MKLN1: variants seen among roughly 807,000 people sequenced by gnomAD.
MKLN1 encodes the protein muskelin 1, also known as muskelin.
In MKLN1, 18 loss-of-function variants were observed where a neutral mutation model predicts 99.0. The observed-to-expected ratio is 0.18, with a 90% CI of 0.13 to 0.27. The LOEUF (loss-of-function observed/expected upper bound fraction) is 0.27, where lower values mean the gene tolerates loss of function less well. Among genes scored for constraint, MKLN1 ranks in the 10% least tolerant of loss-of-function variants. The pLI, the probability that MKLN1 is intolerant of heterozygous loss-of-function variation, is 1.00. For synonymous variants in MKLN1, 288 were observed against 293.2 expected, an observed-to-expected ratio of 0.98 and a Z score of 0.18; for missense variants, 621 against 875.9, an observed-to-expected ratio of 0.71 and a Z score of 3.67.
chr7:131,144,421 G>A (rs1313549868), intron 2 of MKLN1, among the ~76,000 whole-genome samples: 4 of 151,260 alleles, frequency 2.6e-5, no homozygotes, highest in African/African-American at 4.9e-5. Flanking sequence ...GGCGGAACTT[G>A]CAGTGAGCCA....
chr7:131,301,576 A>G (rs955305078), intron 3 of MKLN1, among the ~76,000 whole-genome samples: 4 of 152,180 alleles, frequency 2.6e-5, no homozygotes, highest in African/African-American at 7.2e-5. Context: ...CTAATCTGAA[A>G]TCAGTCCAGG....
chr7:131,341,471 A>G (rs1454256763), intron 1 of MKLN1, among the ~76,000 whole-genome samples: 1 of 152,192 alleles, frequency 6.6e-6, no homozygotes, highest in East Asian at 1.9e-4. Flanking sequence ...GCTTCCATTT[A>G]GGATGTTGTT....
chr7:131,455,264 C>T (rs1796298575), intron 12 of MKLN1, among the ~76,000 whole-genome samples: 1 of 151,838 alleles, frequency 6.6e-6, no homozygotes, highest in Non-Finnish European at 1.5e-5. Context: ...TTTTTTATCC[C>T]CCCTCCCACA....
chr7:131,365,637 A>C (rs916079668), intron 1 of MKLN1, among the ~76,000 whole-genome samples: 1 of 152,084 alleles, frequency 6.6e-6, no homozygotes, highest in Non-Finnish European at 1.5e-5. Flanking sequence ...TGAGGAAGGG[A>C]GTCCAGCCTC....
intron 3 of MKLN1, among the ~76,000 whole-genome samples, chr7:131,316,843 G>T (rs1416563424): frequency 6.6e-6 from 1 of 152,096 alleles, no homozygotes; most frequent in Admixed American, 6.6e-5. Context: ...CAATCAAGTG[G>T]AAGAAAGGAT....
intron 2 of MKLN1, among the ~76,000 whole-genome samples, chr7:131,197,381 A>T (rs1303204494): frequency 9.4e-4 from 7 of 7,436 alleles, no homozygotes; most frequent in African/African-American, 1.3e-3. Context: ...TTAAAATTTT[A>T]TTATTATTAT....
intron 3 of MKLN1, among the ~76,000 whole-genome samples, chr7:131,287,472 T>A (rs1199951970): frequency 6.6e-6 from 1 of 152,204 alleles, no homozygotes; most frequent in Non-Finnish European, 1.5e-5. Context: ...GCCTCCTCCT[T>A]TTATCTCTTA....
intron 1 of MKLN1, among the ~76,000 whole-genome samples, chr7:131,328,802 C>A (rs927799517): frequency 3.9e-5 from 6 of 152,182 alleles, no homozygotes; most frequent in Admixed American, 2.6e-4. Flanking sequence ...TAAAAAAATT[C>A]AGTTGCATTG....
chr7:131,291,771 A>AT (rs1221433569), intron 3 of MKLN1, among the ~76,000 whole-genome samples: 2 of 149,846 alleles, frequency 1.3e-5, no homozygotes, highest in African/African-American at 4.9e-5. Flanking sequence ...TCACATTAAA[A>AT]AAAAAAAAGA....
intron 12 of MKLN1, among the ~76,000 whole-genome samples, chr7:131,450,552 A>C (rs2116545503): frequency 6.6e-6 from 1 of 152,238 alleles, no homozygotes; most frequent in South Asian, 2.1e-4. Context: ...GCCCCATTTT[A>C]GTTCTCCAGT....
chr7:131,467,735 A>AT (rs1176147157), intron 15 of MKLN1, among the ~76,000 whole-genome samples: 3 of 152,162 alleles, frequency 2.0e-5, no homozygotes, highest in East Asian at 1.9e-4. Context: ...AGATTGAAAG[A>AT]TTTTAAGTAG....
At chr7:131,326,636 T>A (rs1798896378), upstream of MKLN1, among the ~76,000 whole-genome samples, 1 of 152,210 alleles carries the variant, frequency 6.6e-6, no homozygotes, top group Non-Finnish European at 1.5e-5. Context: ...TGAGCCACCG[T>A]GCCGGGCCTG....
rs1228210255 is a variant in MKLN1 at position 131,493,964 on chromosome 7, G to C, written c.*6236G>C. The C allele has an allele frequency of 6.6e-6, 1 of 152,208 alleles. No individual in the cohort carries two copies. Among genetic ancestry groups the C allele is most frequent in the East Asian group, 1.9e-4 (1 of 5,198 alleles). 9.4% of individuals were successfully genotyped at this position (152,208 alleles called of 1,614,324 possible). A position where few individuals can be genotyped will look rare whatever the true frequency, so the allele number is the denominator to read the frequency against. On this transcript the variant is annotated 3_prime_UTR_variant, in exon 18 of 18. Coordinates refer to ENST00000352689, the MANE Select transcript of MKLN1 (RefSeq NM_013255.5). ...GCATGAATAAGGAGCCACTCAAAAAGCCAATTTTGAGCTTTATTTCTCCGT... is the reference window on the plus strand; with the variant it reads ...GCATGAATAAGGAGCCACTCAAAAACCCAATTTTGAGCTTTATTTCTCCGT...
intron 9 of MKLN1, among the ~76,000 whole-genome samples, chr7:131,432,697 C>T (rs1314822724): frequency 2.0e-5 from 3 of 152,150 alleles, no homozygotes; most frequent in Admixed American, 6.5e-5. Flanking sequence ...CCACTGGCCT[C>T]GGCCTCCGAA....
intron 3 of MKLN1, chr7:131,242,819 C>T: frequency 1.5e-6 from 1 of 663,362 alleles, no homozygotes; most frequent in Non-Finnish European, 2.9e-6. Context: ...AAGTTTATAA[C>T]CACAATCAGC....
Position 131,212,872 on chromosome 7 carries a change from G to A in MKLN1, c.-179+9898G>A, listed in dbSNP as rs138288370. Among the ~76,000 whole-genome samples, 117 of 150,944 alleles carry A rather than the reference G, an allele frequency of 7.8e-4. 1 individual carries two copies. In the East Asian group the frequency reaches 0.011, roughly 14 times the overall value. ...CGGGAGGCGGAGGTTGCGGTGAGCC[G>A]AGATCGCACCATTGTACTCCAGCCT... On this transcript the variant is annotated intron_variant, in intron 3 of 7. Transcript: ENST00000416992.
At chr7:131,269,302 G>C (rs1023943770) in intron 3 of MKLN1, among the ~76,000 whole-genome samples, 12 of 152,328 alleles carry the variant, frequency 7.9e-5, no homozygotes, top group Admixed American at 7.8e-4. Flanking sequence ...AGGCTGTAAA[G>C]TCCAAGATCA....
chr7:131,291,979 C>G (rs906313578), intron 3 of MKLN1, among the ~76,000 whole-genome samples: 8 of 151,768 alleles, frequency 5.3e-5, no homozygotes, highest in African/African-American at 1.9e-4. Context: ...TGGTGGCGTG[C>G]GCCTTAAGTC....
At chr7:131,199,044 A>G (rs1206742890) in intron 2 of MKLN1, among the ~76,000 whole-genome samples, 1 of 152,124 alleles carries the variant, frequency 6.6e-6, no homozygotes, top group Non-Finnish European at 1.5e-5. Flanking sequence ...TTCTCAGTCC[A>G]TAACCAATGA....
Sources: gnomAD v4.1 joint callset for allele counts (sites outside exome capture counted in the v4.1 genomes callset) on GRCh38, gnomAD v4.1.1 for gene constraint, MANE v1.5 for transcripts, NCBI Gene and HGNC (gene_info 2026-07-23, HGNC 2026-07-21) for gene names.